KCNQ2: variants seen among roughly 807,000 people sequenced by gnomAD.
The protein encoded by KCNQ2 is potassium voltage-gated channel subfamily Q member 2, also known as potassium voltage-gated channel subfamily KQT member 2.
Under a neutral mutation model 84.8 loss-of-function variants are expected in KCNQ2, and 14 were observed. The observed-to-expected ratio is 0.17, with a 90% CI of 0.11 to 0.26. The LOEUF is 0.26. Among genes scored for constraint, KCNQ2 ranks in the 10% least tolerant of loss-of-function variants. The pLI, the probability that KCNQ2 is intolerant of heterozygous loss-of-function variation, is 1.00. For missense variants in KCNQ2, 788 were observed against 1,254.0 expected (o/e 0.63, Z 5.61); for synonymous variants, 599 against 554.1 (o/e 1.08, Z -1.14).
At chr20:63,426,630 A>G (rs2080643571) in intron 10 of KCNQ2, among the ~76,000 whole-genome samples, 1 of 152,020 alleles carries the variant, frequency 6.6e-6, no homozygotes, top group African/African-American at 2.4e-5. Context: ...TTGCTTGGAA[A>G]TCTTCTTGGC....
chr20:63,436,549 G>A (rs778984037), intron 7 of KCNQ2, among the ~76,000 whole-genome samples: 166 of 150,468 alleles, frequency 1.1e-3, no homozygotes, highest in Non-Finnish European at 1.8e-3. Context: ...AAAAAAAATC[G>A]CCACAGCCCC....
At position 63,408,659 on chromosome 20, in the gene KCNQ2, CA is replaced by C. The variant is rs1180967294; in HGVS notation, c.1764-124del. 2.1e-6 allele frequency: 3 copies of C among 1,451,300 alleles called. No homozygotes were observed. The highest frequency in any genetic ancestry group is 2.8e-6 in the Non-Finnish European group (3 of 1,069,084). 89.9% of individuals were successfully genotyped at this position (1,451,300 alleles called of 1,614,324 possible). ...GCTGCAGGCTCAGCCCAGAGCCGAC[CA>C]GGGGGCAGTGGGTGCCAGGACAGAT... On this transcript the variant is annotated intron_variant, in intron 15 of 16. Coordinates refer to ENST00000359125, the MANE Select transcript of KCNQ2 (RefSeq NM_172107.4). This position sits in a 1 kb window ranked among gnomAD's most constrained non-coding sequence, Gnocchi z 5.0.
At chr20:63,413,031 T>A (rs1169461585) in intron 15 of KCNQ2, among the ~76,000 whole-genome samples, 1 of 152,024 alleles carries the variant, frequency 6.6e-6, no homozygotes, top group Non-Finnish European at 1.5e-5. Context: ...ACAGAATTAT[T>A]CCATCCCCAA....
At chr20:63,462,412 A>G (rs1382670989) in intron 1 of KCNQ2, among the ~76,000 whole-genome samples, 2 of 151,500 alleles carry the variant, frequency 1.3e-5, no homozygotes, top group Non-Finnish European at 2.9e-5. Flanking sequence ...CACCTACCCC[A>G]GGGAGCAGGG....
intron 12 of KCNQ2, among the ~76,000 whole-genome samples, chr20:63,416,296 G>GC (rs2080293840): frequency 6.6e-6 from 1 of 152,220 alleles, no homozygotes. Flanking sequence ...GGCCTGCCTT[G>GC]CCCCCGAGTT....
chr20:63,428,529 G>A, intron 9 of KCNQ2, 94 bp from the exon 10 acceptor site: 3 of 1,105,992 alleles, frequency 2.7e-6, no homozygotes, highest in Non-Finnish European at 4.0e-6. Flanking sequence ...GCAGGCGCCT[G>A]CAGTGTCAGA....
chr20:63,472,046 C>T, intron 1 of KCNQ2, 122 bp downstream of exon 1: 2 of 670,686 alleles, frequency 3.0e-6, no homozygotes, highest in Non-Finnish European at 4.7e-6. Flanking sequence ...AGCGCCGGCC[C>T]CGGACCCAGA....
chr20:63,446,661 G>T lies in KCNQ2; in HGVS notation c.387+86C>A. ...TGGGGCTGGGGGCGTCAGAGGCCCTGTAGTAACAGGAACGGAAGACAGACG... is the reference window on the plus strand; with the variant it reads ...TGGGGCTGGGGGCGTCAGAGGCCCTTTAGTAACAGGAACGGAAGACAGACG... On this transcript the variant is annotated intron_variant, in intron 2 of 16. Coordinates refer to ENST00000359125, the MANE Select transcript of KCNQ2 (RefSeq NM_172107.4). This position sits in a 1 kb window ranked among gnomAD's most constrained non-coding sequence, Gnocchi z 5.5. 8.7e-7 allele frequency: 1 copy of T among 1,144,132 alleles called. No individual in the cohort carries two copies. Among genetic ancestry groups the T allele is most frequent in the Non-Finnish European group, 1.3e-6 (1 of 755,954 alleles). 70.9% of individuals were successfully genotyped at this position (1,144,132 alleles called of 1,614,324 possible).
In KCNQ2 at chr20:63,405,429, C is replaced by T. The variant is rs1037425680; in HGVS notation, c.*1215G>A. The T allele has an allele frequency of 2.0e-5, 3 of 152,422 alleles. No homozygotes were observed. Among genetic ancestry groups the T allele is most frequent in the African/African-American group, 7.2e-5 (3 of 41,468 alleles). 9.4% of individuals were successfully genotyped at this position (152,422 alleles called of 1,614,324 possible). Reference sequence around the variant, plus strand: ...GACGGTGCACCCGAGGCCCGAGACCCCAAGAGGCCCCGCTAAGGAATCGGT... The same window carrying T: ...GACGGTGCACCCGAGGCCCGAGACCTCAAGAGGCCCCGCTAAGGAATCGGT... On this transcript the variant is annotated 3_prime_UTR_variant, in exon 17 of 17. Coordinates refer to ENST00000359125, the MANE Select transcript of KCNQ2 (RefSeq NM_172107.4).
rs1274597352 is a variant in KCNQ2, at chr20:63,408,605, G to A, written c.1764-69C>T. 1 of 1,581,850 alleles carries A rather than the reference G, an allele frequency of 6.3e-7. No individual in the cohort carries two copies. On this transcript the variant is annotated intron_variant, in intron 15 of 16. Transcript: ENST00000359125. The surrounding 1 kb of genome is among the most constrained non-coding windows in gnomAD (Gnocchi z 5.0). ...AGCAGGGCCCCTGCCCTCTCCTCCT[G>A]GACCAGGCCACAGTGCCCCTGGGTC...
intron 12 of KCNQ2, among the ~76,000 whole-genome samples, 192 bp from the exon 13 acceptor site, chr20:63,415,318 GA>G (rs1371249083): frequency 3.4e-5 from 5 of 149,032 alleles, no homozygotes; most frequent in African/African-American, 1.0e-4. Context: ...GGGAGGGAGG[GA>G]GGGGAGGCCA....
intron 12 of KCNQ2, among the ~76,000 whole-genome samples, chr20:63,417,258 C>T (rs942364201): frequency 6.6e-6 from 1 of 152,234 alleles, no homozygotes; most frequent in African/African-American, 2.4e-5. Flanking sequence ...AGCACATGGG[C>T]ACAGGCTCAG....
chr20:63,454,763 C>T (rs998950772), intron 1 of KCNQ2, among the ~76,000 whole-genome samples: 1 of 152,234 alleles, frequency 6.6e-6, no homozygotes, highest in African/African-American at 2.4e-5. Flanking sequence ...CTGATGGCAT[C>T]CCCCAGGCCT....
intron 4 of KCNQ2, among the ~76,000 whole-genome samples, chr20:63,443,266 C>G (rs2081292436): frequency 1.6e-5 from 2 of 122,066 alleles, no homozygotes; most frequent in Non-Finnish European, 3.6e-5. Flanking sequence ...TCGCCACCAT[C>G]ATCACCACCA....
chr20:63,425,970 C>T lies in KCNQ2; in HGVS notation c.1218-1764G>A, dbSNP rs546823476. Reference sequence around the variant, plus strand: ...GCCGGCCACCACGTTTCCAATCCGGCGGGGCAAACTCCACGTGGCACAGCT... The same window carrying T: ...GCCGGCCACCACGTTTCCAATCCGGTGGGGCAAACTCCACGTGGCACAGCT... On this transcript the variant is annotated intron_variant, in intron 10 of 16. Coordinates refer to ENST00000359125, the MANE Select transcript of KCNQ2 (RefSeq NM_172107.4). This position sits in a 1 kb window ranked among gnomAD's most constrained non-coding sequence, Gnocchi z 5.5. Among the ~76,000 whole-genome samples the T allele has an allele frequency of 1.3e-5, 2 of 152,294 alleles. No homozygotes were observed. Among genetic ancestry groups the T allele is most frequent in the South Asian group, 2.1e-4 (1 of 4,828 alleles).
chr20:63,443,138 TCAC>T lies in KCNQ2; in HGVS notation c.691-610_691-608del, dbSNP rs147665706. Among the ~76,000 whole-genome samples, 193 of 20,304 alleles carry T rather than the reference TCAC, an allele frequency of 9.5e-3. 8 individuals are homozygous for T. The highest frequency in any genetic ancestry group is 0.039 in the South Asian group (18 of 462). The allele number at this position is 20,304 out of a possible 152,430, so 13.3% of individuals were successfully genotyped here. A position where few individuals can be genotyped will look rare whatever the true frequency, so the allele number is the denominator to read the frequency against. ...ACCACTATCACCACCACCACCATCATCACCACCACCATCACCGGCGCCACCACC... is the reference window on the plus strand; with the variant it reads ...ACCACTATCACCACCACCACCATCATCACCACCATCACCGGCGCCACCACC... On this transcript the variant is annotated intron_variant, in intron 4 of 16. Transcript: ENST00000359125.
Position 63,442,442 on chromosome 20 carries a change from G to A in KCNQ2, c.780C>T (p.His260=). The A allele has an allele frequency of 6.2e-7, 1 of 1,613,860 alleles. No homozygotes were observed. Among genetic ancestry groups the A allele is most frequent in the Non-Finnish European group, 8.5e-7 (1 of 1,179,956 alleles). ...AGAGTGCATCCGCGTAGGTGTCAAA[G>A]TGGTCGTTCTCCCCCTTCTCTGCCA... The part of the protein sequence containing the change: ...VYLAEKGEND[H]FDTYADALWW... Residue 260 remains histidine (H), a synonymous_variant, in exon 5 of 17, where the codon CAC becomes CAT. Coordinates refer to ENST00000359125, the MANE Select transcript of KCNQ2 (RefSeq NM_172107.4).
chr20:63,465,691 AGGT>A (rs1421576506), intron 1 of KCNQ2, among the ~76,000 whole-genome samples: 4 of 152,178 alleles, frequency 2.6e-5, no homozygotes, highest in African/African-American at 9.7e-5. Flanking sequence ...CGTGTTGAAC[AGGT>A]GCCGCCCACC....
In KCNQ2 at chr20:63,472,590, C is replaced by G. The variant is rs2082245163; in HGVS notation, c.-127G>C. On this transcript the variant is annotated 5_prime_UTR_variant, in exon 1 of 17. Transcript: ENST00000359125. The stretch of plus-strand genomic sequence containing the variant: ...ATGGCCGAGGCGGCGGTTCCGCACT[C>G]CTGCCGGGCTTGGGCCGCGCGCGGA... 4 of 810,566 alleles carry G rather than the reference C, an allele frequency of 4.9e-6. No individual in the cohort carries two copies. Among genetic ancestry groups the G allele is most frequent in the Non-Finnish European group, 6.3e-6 (4 of 632,328 alleles). 50.2% of individuals were successfully genotyped at this position (810,566 alleles called of 1,614,324 possible).
Sources: allele counts gnomAD v4.1 joint callset (sites outside exome capture counted in the v4.1 genomes callset), GRCh38; gene constraint gnomAD v4.1.1; non-coding constraint Gnocchi (gnomAD v3.1); transcripts MANE v1.5; gene names NCBI Gene and HGNC (gene_info 2026-07-23, HGNC 2026-07-21).